VPS13A: variants seen among roughly 807,000 people sequenced by gnomAD.
VPS13A encodes the protein intermembrane lipid transfer protein VPS13A.
In VPS13A, 264 loss-of-function variants were observed where a neutral mutation model predicts 390.9. The ratio of observed to expected loss-of-function variants is 0.68; its 90% CI spans 0.61 to 0.75. The LOEUF is 0.75. Ranked by LOEUF, VPS13A falls within the 30% of genes least tolerant of loss-of-function variation. The pLI is 0.00. For synonymous variants in VPS13A, 1,231 were observed against 1,227.1 expected (o/e 1.00, Z -0.07); for missense variants, 3,409 against 3,733.9 (o/e 0.91, Z 2.27).
chr9:77,202,800 G>A (rs1228044939), intron 3 of VPS13A, among the ~76,000 whole-genome samples: 1 of 152,098 alleles, frequency 6.6e-6, no homozygotes, highest in Non-Finnish European at 1.5e-5. Context: ...TAAGATAGTA[G>A]AAAGTACACT....
Position 77,421,032 on chromosome 9 carries a change from T to A in VPS13A, c.*5026T>A, listed in dbSNP as rs1055996812. 5 of 152,222 alleles carry A rather than the reference T, an allele frequency of 3.3e-5. No homozygotes were observed. Among genetic ancestry groups the A allele is most frequent in the Non-Finnish European group, 7.3e-5 (5 of 68,044 alleles). 9.4% of individuals were successfully genotyped at this position (152,222 alleles called of 1,614,324 possible). On this transcript the variant is annotated 3_prime_UTR_variant, in exon 72 of 72. Transcript: ENST00000360280. ...TTACAGAATTTTAGAAATAATTATCTCTGTATGTGACTGTGTATTACATAT... is the reference window on the plus strand; with the variant it reads ...TTACAGAATTTTAGAAATAATTATCACTGTATGTGACTGTGTATTACATAT...
chr9:77,331,072 G>A (rs1830251812), intron 45 of VPS13A, among the ~76,000 whole-genome samples: 1 of 151,946 alleles, frequency 6.6e-6, no homozygotes, highest in South Asian at 2.1e-4. Flanking sequence ...GATGTTACAT[G>A]ATTATATGGA....
At position 77,246,466 on chromosome 9, in the gene VPS13A, T is replaced by TTG. The variant is rs148073595; in HGVS notation, c.1901-774_1901-773dup. On this transcript the variant is annotated intron_variant, in intron 19 of 71. Coordinates refer to ENST00000360280, the MANE Select transcript of VPS13A (RefSeq NM_033305.3). ...TCAAATATACTGACCTGCCTACATT[T>TTG]TGTGTGTGTGTGTGTGTGTGAAAAA... is the stretch of plus-strand genomic sequence containing the variant. 2.2e-3 allele frequency among the ~76,000 whole-genome samples: 328 copies of TTG among 150,902 alleles called. 1 individual carries two copies. Among genetic ancestry groups the TTG allele is most frequent in the Middle Eastern group, 6.8e-3 (2 of 294 alleles).
chr9:77,302,482 C>G (rs1364030467), intron 33 of VPS13A, among the ~76,000 whole-genome samples: 1 of 148,148 alleles, frequency 6.8e-6, no homozygotes, highest in South Asian at 2.2e-4. Context: ...AAGCAATTCT[C>G]CCACCTCAGC....
At chr9:77,398,877 T>A (rs570226247) in intron 68 of VPS13A, among the ~76,000 whole-genome samples, 1 of 150,638 alleles carries the variant, frequency 6.6e-6, no homozygotes, top group Non-Finnish European at 1.5e-5. Flanking sequence ...GGGACATGGA[T>A]GAAATTGGAA....
chr9:77,328,433 T>C (rs1256554580), intron 45 of VPS13A, among the ~76,000 whole-genome samples: 3 of 152,212 alleles, frequency 2.0e-5, no homozygotes, highest in Non-Finnish European at 2.9e-5. Context: ...AGCTTCATTA[T>C]CCCTTTAAGA....
intron 45 of VPS13A, among the ~76,000 whole-genome samples, chr9:77,330,507 A>G (rs1830227999): frequency 6.6e-6 from 1 of 152,218 alleles, no homozygotes; most frequent in Admixed American, 6.5e-5. Context: ...GACTTTGGTA[A>G]CTAACTTCAC....
Position 77,306,384 on chromosome 9 carries a change from CAGAG to C in VPS13A, c.3961-1546_3961-1543del, listed in dbSNP as rs5898532. Among the ~76,000 whole-genome samples, 1,314 of 142,960 alleles carry C rather than the reference CAGAG, an allele frequency of 9.2e-3. 10 individuals are homozygous for C. Among genetic ancestry groups the C allele is most frequent in the South Asian group, 0.014 (64 of 4,474 alleles). 93.8% of individuals were successfully genotyped at this position (142,960 alleles called of 152,430 possible). A position where few individuals can be genotyped will look rare whatever the true frequency, so the allele number is the denominator to read the frequency against. On this transcript the variant is annotated intron_variant, in intron 34 of 71. Transcript: ENST00000360280. ...TTATTTCTGTTGTGTTAGGGTTCTC[CAGAG>C]AGAGAGAGAGAGAGTGTGTGTGTGT...
intron 56 of VPS13A, 37 bp from the exon 57 acceptor site, chr9:77,358,320 G>T: frequency 1.3e-6 from 2 of 1,491,512 alleles, no homozygotes; most frequent in South Asian, 2.3e-5. Flanking sequence ...TTGTATAATT[G>T]ACATATTAAT....
chr9:77,412,878 G>C (rs954903914), intron 71 of VPS13A, among the ~76,000 whole-genome samples: 21 of 152,196 alleles, frequency 1.4e-4, no homozygotes, highest in African/African-American at 4.1e-4. Flanking sequence ...ATCTCCTTAA[G>C]CTGATAGGCA....
At chr9:77,225,448 G>A (rs538272511) in intron 13 of VPS13A, among the ~76,000 whole-genome samples, 47 of 152,236 alleles carry the variant, frequency 3.1e-4, no homozygotes, top group African/African-American at 1.1e-3. Flanking sequence ...GTTTTGCAGT[G>A]TTGCCCAGGC....
At chr9:77,298,611 A>G (rs1165421866) in intron 33 of VPS13A, among the ~76,000 whole-genome samples, 1 of 152,146 alleles carries the variant, frequency 6.6e-6, no homozygotes, top group African/African-American at 2.4e-5. Context: ...TTTTTTGCCA[A>G]GCAAGTGTGA....
At position 77,336,957 on chromosome 9, in the gene VPS13A, C is replaced by T. The variant is rs575876186; in HGVS notation, c.6096-298C>T. On this transcript the variant is annotated intron_variant, in intron 46 of 71. Transcript: ENST00000360280. ...GACTACAGGCGCCCATCACCATGCC[C>T]GGCTAATTTTTTTGTATTTTTAGTA... 1.4e-3 allele frequency among the ~76,000 whole-genome samples: 210 copies of T among 151,636 alleles called. 1 individual carries two copies. Among genetic ancestry groups the T allele is most frequent in the Middle Eastern group, 0.01 (3 of 290 alleles).
At position 77,420,782 on chromosome 9, in the gene VPS13A, T is replaced by TATA. The variant is rs1327497232; in HGVS notation, c.*4779_*4781dup. 1 of 152,172 alleles carries TATA rather than the reference T, an allele frequency of 6.6e-6. No individual in the cohort carries two copies. Among genetic ancestry groups the TATA allele is most frequent in the South Asian group, 2.1e-4 (1 of 4,828 alleles). 9.4% of individuals were successfully genotyped at this position (152,172 alleles called of 1,614,324 possible). ...TAATGAGATATCAAATAATCAGAAG[T>TATA]ATAATTAAAATAGAACATGTTGGAA... On this transcript the variant is annotated 3_prime_UTR_variant, in exon 72 of 72. Coordinates refer to ENST00000360280, the MANE Select transcript of VPS13A (RefSeq NM_033305.3).
chr9:77,214,420 A>C, intron 10 of VPS13A, 34 bp downstream of exon 10: 2 of 1,555,952 alleles, frequency 1.3e-6, no homozygotes, highest in Non-Finnish European at 1.8e-6. Context: ...AAAAGTAGTT[A>C]AAGTAATTGG....
chr9:77,379,065 CTT>C (rs71503211), intron 67 of VPS13A, among the ~76,000 whole-genome samples: 2 of 72,364 alleles, frequency 2.8e-5, no homozygotes, highest in African/African-American at 6.0e-5. Flanking sequence ...ATTTTCAGTC[CTT>C]TTTTTTTTTT....
At chr9:77,356,591 T>C (rs978442923) in intron 54 of VPS13A, 123 bp from the exon 55 acceptor site, 3 of 1,067,358 alleles carry the variant, frequency 2.8e-6, no homozygotes, top group African/African-American at 3.2e-5. Flanking sequence ...TGTAATATGC[T>C]CACTTGTAAT....
At chr9:77,212,627 C>T (rs1038726688) in intron 7 of VPS13A, among the ~76,000 whole-genome samples, 5 of 152,144 alleles carry the variant, frequency 3.3e-5, no homozygotes, top group Admixed American at 6.5e-5. Flanking sequence ...TGAGCCACTG[C>T]ACCCAATGAT....
intron 71 of VPS13A, among the ~76,000 whole-genome samples, chr9:77,407,890 C>CAAACA (rs1834702121): frequency 6.6e-6 from 1 of 151,884 alleles, no homozygotes; most frequent in African/African-American, 2.4e-5. Flanking sequence ...AAAAAGTCAA[C>CAAACA]AAACAAAAAT....
Sources: allele counts gnomAD v4.1 joint callset (sites outside exome capture counted in the v4.1 genomes callset), GRCh38; gene constraint gnomAD v4.1.1; transcripts MANE v1.5; gene names NCBI Gene and HGNC (gene_info 2026-07-23, HGNC 2026-07-21).